EDEM2: variants seen among roughly 807,000 people sequenced by gnomAD.
EDEM2 encodes ER degradation enhancing alpha-mannosidase like protein 2, also known as ER degradation-enhancing alpha-mannosidase-like protein 2.
EDEM2 carries 39 observed loss-of-function variants against 64.8 expected under a neutral mutation model. That is an observed-to-expected ratio of 0.60 (90% CI 0.47 to 0.79). EDEM2 has a LOEUF of 0.79. Ranked by LOEUF, EDEM2 falls within the 30% of genes least tolerant of loss-of-function variation. The pLI, the probability that EDEM2 is intolerant of heterozygous loss-of-function variation, is 0.00. For missense variants in EDEM2, 609 were observed against 731.3 expected, an observed-to-expected ratio of 0.83 and a Z score of 1.93; for synonymous variants, 296 against 291.5, an observed-to-expected ratio of 1.02 and a Z score of -0.16.
chr20:35,116,565 G>C (rs1209569799), intron 10 of EDEM2, among the ~76,000 whole-genome samples: 1 of 152,100 alleles, frequency 6.6e-6, no homozygotes, highest in Non-Finnish European at 1.5e-5. Context: ...CTCATAGCTT[G>C]TTCCCTCCCT....
chr20:35,141,625 G>A (rs532566707), intron 4 of EDEM2, among the ~76,000 whole-genome samples: 1 of 152,340 alleles, frequency 6.6e-6, no homozygotes, highest in East Asian at 1.9e-4. Context: ...GCCATCCAGA[G>A]GTGACAGCTG....
intron 7 of EDEM2, among the ~76,000 whole-genome samples, chr20:35,131,277 G>A (rs762610634): frequency 3.3e-5 from 5 of 152,190 alleles, no homozygotes; most frequent in East Asian, 1.9e-4. Flanking sequence ...CAGGCCAGGC[G>A]TGGTGGCTCA....
chr20:35,119,964 T>C (rs371447550), intron 9 of EDEM2, among the ~76,000 whole-genome samples: 6 of 152,210 alleles, frequency 3.9e-5, no homozygotes, highest in African/African-American at 1.4e-4. Flanking sequence ...TTCTATACCA[T>C]CATCTCCCCC....
intron 5 of EDEM2, among the ~76,000 whole-genome samples, chr20:35,136,211 AAAAG>A (rs2146106870): frequency 6.6e-6 from 1 of 152,358 alleles, no homozygotes. Context: ...GGCTGTAATA[AAAAG>A]AAGAGGAGTG....
chr20:35,120,863 C>T (rs1168922045), intron 9 of EDEM2, among the ~76,000 whole-genome samples: 1 of 152,098 alleles, frequency 6.6e-6, no homozygotes, highest in Non-Finnish European at 1.5e-5. Flanking sequence ...TCCCAAAGTG[C>T]TGGGATTACA....
chr20:35,122,745 A>C (rs2085384801), intron 9 of EDEM2, among the ~76,000 whole-genome samples: 1 of 152,204 alleles, frequency 6.6e-6, no homozygotes, highest in Non-Finnish European at 1.5e-5. Context: ...GCCTCTAAGG[A>C]GTCAAAAGTT....
At chr20:35,142,944 G>T (rs957911460) in intron 3 of EDEM2, among the ~76,000 whole-genome samples, 4 of 152,112 alleles carry the variant, frequency 2.6e-5, no homozygotes, top group African/African-American at 9.7e-5. Context: ...TTTTAGTAGA[G>T]ACGGGGTTTC....
In EDEM2 at chr20:35,137,576, G is replaced by C. The variant is rs193042999; in HGVS notation, c.490+304C>G. Among the ~76,000 whole-genome samples the C allele has an allele frequency of 1.3e-4, 20 of 152,286 alleles. No individual in the cohort carries two copies. In the East Asian group the frequency reaches 3.7e-3, roughly 28 times the overall value. ...GTGTGTGGAATAACTGTAGTACCTG[G>C]AAGGGGACAAATGGGCTCATTCAAA... On this transcript the variant is annotated intron_variant, in intron 5 of 10. Coordinates refer to ENST00000374492, the MANE Select transcript of EDEM2 (RefSeq NM_018217.3).
At chr20:35,137,846 CT>C in intron 5 of EDEM2, 33 bp downstream of exon 5, 1 of 1,607,502 alleles carries the variant, frequency 6.2e-7, no homozygotes, top group Non-Finnish European at 8.5e-7. Flanking sequence ...ACCTACTGGA[CT>C]TCGTCTCTGC....
intron 5 of EDEM2, among the ~76,000 whole-genome samples, chr20:35,136,754 G>GA (rs11481205): frequency 0.41 from 41,736 of 101,826 alleles, 8,618 homozygotes; most frequent in East Asian, 0.56. Context: ...GACCCTGTCT[G>GA]AAAAAAAAAA....
Position 35,126,310 on chromosome 20 carries a change from T to C in EDEM2, c.910A>G (p.Lys304Glu). The change falls in exon 8 of 11, where the codon AAG (lysine) becomes GAG (glutamate). Residue 304 changes from lysine (K) to glutamate (E), a missense_variant. Coordinates refer to ENST00000374492, the MANE Select transcript of EDEM2 (RefSeq NM_018217.3). Reference protein sequence around the residue: ...DDWYLWVQMYKGTVSMPVFQS... With the variant: ...DDWYLWVQMYEGTVSMPVFQS... The stretch of plus-strand genomic sequence containing the variant: ...AAGACTGGCATGGACACAGTCCCCT[T>C]GTACATCTGAACCCACAGGTACCAG... 6.2e-7 allele frequency: 1 copy of C among 1,614,090 alleles called. No homozygotes were observed. Among genetic ancestry groups the C allele is most frequent in the East Asian group, 2.2e-5 (1 of 44,886 alleles).
At position 35,147,183 on chromosome 20, in the gene EDEM2, C is replaced by G; in HGVS notation, c.76G>C (p.Asp26His). ...LPQHHGAPGP[D>H]GSAPDPAHYR... ...TGGGCGGGATCTGGCGCGGAGCCGT[C>G]GGGACCTGGCGCACCATGGTGCTGA... is the stretch of plus-strand genomic sequence containing the variant. Residue 26 changes from aspartate (D) to histidine (H), a missense_variant, in exon 1 of 11, where the codon GAC becomes CAC. Asp to His is a moderately conservative substitution (Grantham distance 81). Transcript: ENST00000374492. The G allele has an allele frequency of 2.5e-6, 4 of 1,602,350 alleles. No individual in the cohort carries two copies. Among genetic ancestry groups the G allele is most frequent in the African/African-American group, 1.3e-5 (1 of 74,708 alleles).
chr20:35,117,612 C>T lies in EDEM2; in HGVS notation c.1236+986G>A, dbSNP rs188419095. On this transcript the variant is annotated intron_variant, in intron 10 of 10. Coordinates refer to ENST00000374492, the MANE Select transcript of EDEM2 (RefSeq NM_018217.3). Reference sequence around the variant, plus strand: ...CATGTAGGTCTTCTCTCTTCCCCTACACATATCTATATTTTACTTATAGAA... The same window carrying T: ...CATGTAGGTCTTCTCTCTTCCCCTATACATATCTATATTTTACTTATAGAA... Among the ~76,000 whole-genome samples, 538 of 152,338 alleles carry T rather than the reference C, an allele frequency of 3.5e-3. 4 individuals are homozygous for T. Among genetic ancestry groups the T allele is most frequent in the Non-Finnish European group, 4.9e-3 (333 of 68,034 alleles).
chr20:35,118,991 T>C (rs965049905), intron 9 of EDEM2, among the ~76,000 whole-genome samples: 2 of 152,190 alleles, frequency 1.3e-5, no homozygotes, highest in African/African-American at 4.8e-5. Context: ...TGGCGGAGGT[T>C]GTTGCCTAAT....
intron 7 of EDEM2, among the ~76,000 whole-genome samples, chr20:35,131,221 G>GT (rs1236795456): frequency 6.6e-6 from 1 of 152,236 alleles, no homozygotes; most frequent in African/African-American, 2.4e-5. Context: ...AGTGGGCAGT[G>GT]TAAGTCCATA....
intron 4 of EDEM2, among the ~76,000 whole-genome samples, chr20:35,138,925 C>G (rs991253729): frequency 1.3e-5 from 2 of 152,124 alleles, no homozygotes; most frequent in African/African-American, 4.8e-5. Context: ...CTTGGAAATA[C>G]AGCTAAATAG....
chr20:35,123,661 A>C (rs986066766), intron 9 of EDEM2, among the ~76,000 whole-genome samples: 1 of 152,220 alleles, frequency 6.6e-6, no homozygotes, highest in Non-Finnish European at 1.5e-5. Flanking sequence ...TAGCTCCTGC[A>C]CTTAAGAGCC....
chr20:35,119,552 C>T (rs2085345444), intron 9 of EDEM2, among the ~76,000 whole-genome samples: 1 of 152,076 alleles, frequency 6.6e-6, no homozygotes, highest in South Asian at 2.1e-4. Context: ...ATGATTAAGC[C>T]ACTGCGGCAC....
chr20:35,140,096 G>A (rs1195082223), intron 4 of EDEM2, among the ~76,000 whole-genome samples: 1 of 152,058 alleles, frequency 6.6e-6, no homozygotes, highest in Non-Finnish European at 1.5e-5. Context: ...CAAAAGCTGG[G>A]AATGTTTATG....
Sources: allele counts gnomAD v4.1 joint callset (sites outside exome capture counted in the v4.1 genomes callset), GRCh38; gene constraint gnomAD v4.1.1; transcripts MANE v1.5; gene names NCBI Gene and HGNC (gene_info 2026-07-23, HGNC 2026-07-21).